The following TSPAN18 variants were observed in gnomAD, a reference collection of about 807,000 sequenced individuals.
The protein encoded by TSPAN18 is tetraspanin-18.
In TSPAN18, 14 loss-of-function variants were observed where a neutral mutation model predicts 27.3. That is an observed-to-expected ratio of 0.51 (90% CI 0.34 to 0.80). The LOEUF is 0.80. TSPAN18 is among the 30% of genes least tolerant of loss of function. The pLI, the probability that TSPAN18 is intolerant of heterozygous loss-of-function variation, is 0.01. For synonymous variants in TSPAN18, 143 were observed against 136.5 expected (o/e 1.05, Z -0.33); for missense variants, 268 against 323.9 (o/e 0.83, Z 1.32).
intron 1 of TSPAN18, among the ~76,000 whole-genome samples, chr11:44,735,320 C>T (rs992371616): frequency 6.6e-6 from 1 of 152,194 alleles, no homozygotes; most frequent in Non-Finnish European, 1.5e-5. Flanking sequence ...TGCTTTCCTG[C>T]GGCAGCCATG....
At chr11:44,907,023 C>T (rs181662738) in intron 4 of TSPAN18, among the ~76,000 whole-genome samples, 1 of 152,340 alleles carries the variant, frequency 6.6e-6, no homozygotes, top group Admixed American at 6.5e-5. Context: ...TCTTAATGAC[C>T]TTCCTCAACA....
At chr11:44,901,509 G>A (rs1043490495) in intron 3 of TSPAN18, among the ~76,000 whole-genome samples, 1 of 152,204 alleles carries the variant, frequency 6.6e-6, no homozygotes, top group Non-Finnish European at 1.5e-5. Flanking sequence ...TCAGCCTCTC[G>A]CTGTTGTGGC....
chr11:44,881,527 A>T (rs1040863363), intron 3 of TSPAN18, among the ~76,000 whole-genome samples: 2 of 152,184 alleles, frequency 1.3e-5, no homozygotes, highest in African/African-American at 4.8e-5. Flanking sequence ...TCTTCATCCT[A>T]GTTTTCTATT....
At chr11:44,852,259 A>C (rs1351998882) in intron 2 of TSPAN18, among the ~76,000 whole-genome samples, 3 of 152,228 alleles carry the variant, frequency 2.0e-5, no homozygotes, top group Admixed American at 6.5e-5. Context: ...GCCCTGATTA[A>C]AGAGGCCTTG....
intron 2 of TSPAN18, among the ~76,000 whole-genome samples, chr11:44,845,728 T>C (rs1361494061): frequency 6.6e-6 from 1 of 152,238 alleles, no homozygotes; most frequent in African/African-American, 2.4e-5. Context: ...TGGGTGAGCC[T>C]GTTGCCTGAT....
chr11:44,918,180 T>C, intron 6 of TSPAN18, 134 bp downstream of exon 6: 1 of 911,466 alleles, frequency 1.1e-6, no homozygotes, highest in Non-Finnish European at 1.7e-6. Flanking sequence ...CCAGCCCAAG[T>C]CATGGCCCCA....
intron 2 of TSPAN18, among the ~76,000 whole-genome samples, chr11:44,789,322 C>T (rs1240278841): frequency 6.6e-6 from 1 of 152,180 alleles, no homozygotes; most frequent in Non-Finnish European, 1.5e-5. Context: ...TTAGCCAAAA[C>T]TGAGATTAAA....
intron 2 of TSPAN18, among the ~76,000 whole-genome samples, chr11:44,858,830 C>T (rs4755905): frequency 0.22 from 33,560 of 152,050 alleles, 4,134 homozygotes; most frequent in South Asian, 0.36. Context: ...CTGGTGAGCC[C>T]GCAAGAATGG....
At chr11:44,897,428 T>A (rs1175381927) in intron 3 of TSPAN18, among the ~76,000 whole-genome samples, 1 of 152,224 alleles carries the variant, frequency 6.6e-6, no homozygotes, top group East Asian at 1.9e-4. Flanking sequence ...ACCCATCATC[T>A]CCTCCCAGGC....
At chr11:44,759,917 G>T (rs544824154) in intron 1 of TSPAN18, among the ~76,000 whole-genome samples, 2 of 152,184 alleles carry the variant, frequency 1.3e-5, no homozygotes, top group Admixed American at 1.3e-4. Context: ...GAGTGGGAAG[G>T]TTTCACAAAG....
At chr11:44,876,674 G>T (rs888135413) in intron 3 of TSPAN18, among the ~76,000 whole-genome samples, 1 of 152,156 alleles carries the variant, frequency 6.6e-6, no homozygotes, top group Non-Finnish European at 1.5e-5. Context: ...ACAATGATTT[G>T]TTTTAATTAC....
intron 2 of TSPAN18, among the ~76,000 whole-genome samples, chr11:44,814,934 C>T (rs948192445): frequency 2.6e-5 from 4 of 152,086 alleles, no homozygotes; most frequent in African/African-American, 9.7e-5. Flanking sequence ...TGGGTGTGTC[C>T]CTCTGATGGG....
chr11:44,783,793 C>G (rs1855995757), intron 2 of TSPAN18, among the ~76,000 whole-genome samples: 1 of 152,190 alleles, frequency 6.6e-6, no homozygotes, highest in South Asian at 2.1e-4. Flanking sequence ...ATGTCTGTGC[C>G]AGTGTCTTAT....
chr11:44,740,469 G>A (rs1301159757), intron 1 of TSPAN18, among the ~76,000 whole-genome samples: 1 of 152,162 alleles, frequency 6.6e-6, no homozygotes, highest in Non-Finnish European at 1.5e-5. Flanking sequence ...CAGGGGCATG[G>A]GGCACCTGGT....
At chr11:44,880,329 G>T (rs1396126177) in intron 3 of TSPAN18, among the ~76,000 whole-genome samples, 1 of 152,218 alleles carries the variant, frequency 6.6e-6, no homozygotes, top group Non-Finnish European at 1.5e-5. Context: ...TGCCAGTTCT[G>T]TGCTTGTGGA....
At chr11:44,919,722 ATGCCACTCCTT>A in intron 7 of TSPAN18, 84 bp from the exon 8 acceptor site, 1 of 1,281,048 alleles carries the variant, frequency 7.8e-7, no homozygotes, top group South Asian at 1.2e-5. Flanking sequence ...CAGTCTTCTG[ATGCCACTCCTT>A]TGCAGAGGCT....
At chr11:44,842,856 T>C (rs747738862) in intron 2 of TSPAN18, among the ~76,000 whole-genome samples, 2 of 152,110 alleles carry the variant, frequency 1.3e-5, no homozygotes, top group Non-Finnish European at 2.9e-5. Flanking sequence ...TATAGAATGT[T>C]CCCATCCCTC....
intron 2 of TSPAN18, among the ~76,000 whole-genome samples, chr11:44,837,987 C>T (rs1307897774): frequency 6.6e-6 from 1 of 152,114 alleles, no homozygotes; most frequent in African/African-American, 2.4e-5. Flanking sequence ...ACCTGAATAT[C>T]ACTGAGATAT....
intron 8 of TSPAN18, among the ~76,000 whole-genome samples, chr11:44,924,117 G>GTGTGTGTGTGTGTA: frequency 6.6e-6 from 1 of 152,064 alleles, no homozygotes; most frequent in East Asian, 1.9e-4. Context: ...GTGTGTGTGT[G>GTGTGTGTGTGTGTA]TGTGTGTGTG....
Sources: allele counts gnomAD v4.1 joint callset (sites outside exome capture counted in the v4.1 genomes callset), GRCh38; gene constraint gnomAD v4.1.1; transcripts MANE v1.5; gene names NCBI Gene and HGNC (gene_info 2026-07-23, HGNC 2026-07-21).